The following LRCH3 variants were observed in gnomAD, a reference collection of about 807,000 sequenced individuals.
LRCH3 encodes the protein DISP complex protein LRCH3.
LRCH3 carries 68 observed loss-of-function variants against 104.5 expected under a neutral mutation model. That is an observed-to-expected ratio of 0.65 (90% confidence interval 0.54 to 0.80). The LOEUF is 0.80. LRCH3 is among the 30% of genes least tolerant of loss of function. LRCH3 has a pLI of 0.00. For synonymous variants in LRCH3, 344 were observed against 361.3 expected, an observed-to-expected ratio of 0.95 and a Z score of 0.54; for missense variants, 951 against 953.9, an observed-to-expected ratio of 1.00 and a Z score of 0.04.
At position 197,865,419 on chromosome 3, in the gene LRCH3, A is replaced by G; in HGVS notation, c.1717-4A>G. The G allele has an allele frequency of 1.3e-6, 2 of 1,561,750 alleles. No homozygotes were observed. The highest frequency in any genetic ancestry group is 1.7e-6 in the Non-Finnish European group (2 of 1,145,596). ...ATTATTGATATATGTCTGTTTCTCC[A>G]CAGAGTGATGACAGACCTAATGCTC... On this transcript the variant is annotated splice_region_variant and splice_polypyrimidine_tract_variant and intron_variant, in intron 15 of 20. Coordinates refer to ENST00000425562, the MANE Select transcript of LRCH3 (RefSeq NM_001365715.1).
rs1314671784 is a variant in LRCH3 at position 197,827,492 on chromosome 3, A to T, written c.777+478A>T. 3.3e-5 allele frequency among the ~76,000 whole-genome samples: 5 copies of T among 152,246 alleles called. No homozygotes were observed. In the South Asian group the frequency reaches 6.2e-4, roughly 19 times the overall value. ...AGCATCGCATGGACTTTTTTTGGACAAAGGATGAAATTTAAAATTTCATGT... is the reference window on the plus strand; with the variant it reads ...AGCATCGCATGGACTTTTTTTGGACTAAGGATGAAATTTAAAATTTCATGT... On this transcript the variant is annotated intron_variant, in intron 5 of 20. Coordinates refer to ENST00000425562, the MANE Select transcript of LRCH3 (RefSeq NM_001365715.1).
intron 8 of LRCH3, among the ~76,000 whole-genome samples, chr3:197,833,334 A>G (rs1289127592): frequency 2.3e-5 from 3 of 129,692 alleles, no homozygotes; most frequent in Non-Finnish European, 4.7e-5. Flanking sequence ...AGCCTGGCCA[A>G]CATGGTGAAA....
At chr3:197,812,993 A>G (rs1427261775) in intron 1 of LRCH3, among the ~76,000 whole-genome samples, 1 of 152,214 alleles carries the variant, frequency 6.6e-6, no homozygotes, top group Non-Finnish European at 1.5e-5. Flanking sequence ...GCAAAGCGCA[A>G]AGGTTCCAAT....
At chr3:197,860,971 C>CTTT (rs5855654) in intron 15 of LRCH3, among the ~76,000 whole-genome samples, 5 of 137,402 alleles carry the variant, frequency 3.6e-5, no homozygotes, top group Admixed American at 7.4e-5. Flanking sequence ...CTGACCCCAA[C>CTTT]TTTTTTTTTT....
At position 197,883,594 on chromosome 3, in the gene LRCH3, T is replaced by G; in HGVS notation, c.2262T>G (p.Val754=). The change falls in exon 21 of 21, where the codon GTT becomes GTG. Residue 754 remains valine (V), a synonymous_variant. Coordinates refer to ENST00000425562, the MANE Select transcript of LRCH3 (RefSeq NM_001365715.1). The surrounding 1 kb of genome is among the most constrained non-coding windows in gnomAD (Gnocchi z 4.2). ...HILEEKGLSQ[V]AVTVQALLEL... ...TAGAAGAGAAAGGTTTGAGCCAGGT[T>G]GCAGTGACGGTCCAGGCTCTCCTGG... 1 of 1,536,128 alleles carries G rather than the reference T, an allele frequency of 6.5e-7. No individual in the cohort carries two copies. Among genetic ancestry groups the G allele is most frequent in the East Asian group, 2.4e-5 (1 of 40,926 alleles).
At chr3:197,833,989 A>G (rs568593408) in intron 8 of LRCH3, among the ~76,000 whole-genome samples, 1 of 152,236 alleles carries the variant, frequency 6.6e-6, no homozygotes, top group African/African-American at 2.4e-5. Context: ...TAAAACTCTA[A>G]TAACTCAAAA....
chr3:197,807,047 AAAAC>A (rs1732575716), intron 1 of LRCH3, among the ~76,000 whole-genome samples: 1 of 151,466 alleles, frequency 6.6e-6, no homozygotes, highest in African/African-American at 2.4e-5. Flanking sequence ...TCAAAAAAAA[AAAAC>A]AAACAAACAT....
intron 15 of LRCH3, among the ~76,000 whole-genome samples, chr3:197,860,288 C>G (rs1249624829): frequency 6.6e-6 from 1 of 152,166 alleles, no homozygotes; most frequent in Non-Finnish European, 1.5e-5. Context: ...GCCACTGCGC[C>G]CAACCTCCTT....
At chr3:197,803,677 A>C (rs1009227918) in intron 1 of LRCH3, among the ~76,000 whole-genome samples, 1 of 151,846 alleles carries the variant, frequency 6.6e-6, no homozygotes, top group African/African-American at 2.4e-5. Context: ...AAAAAAAAGA[A>C]TTTGCTCCTT....
intron 1 of LRCH3, among the ~76,000 whole-genome samples, chr3:197,812,845 G>A (rs2109171574): frequency 6.6e-6 from 1 of 152,212 alleles, no homozygotes; most frequent in South Asian, 2.1e-4. Flanking sequence ...TACAGGCGCA[G>A]GCCACCACAC....
chr3:197,876,271 A>T (rs1206560002), intron 20 of LRCH3: 1 of 152,344 alleles, frequency 6.6e-6, no homozygotes, highest in Non-Finnish European at 1.5e-5. Flanking sequence ...ACTAAGTAAC[A>T]TGAGAACAAT....
intron 11 of LRCH3, 32 bp from the exon 12 acceptor site, chr3:197,847,840 C>T (rs1438673054): frequency 6.2e-7 from 1 of 1,605,436 alleles, no homozygotes; most frequent in Admixed American, 1.7e-5. Context: ...CTCATTTTTA[C>T]TTTTGTATGC....
chr3:197,864,341 C>T (rs1457613725), intron 15 of LRCH3, among the ~76,000 whole-genome samples: 1 of 140,778 alleles, frequency 7.1e-6, no homozygotes, highest in Non-Finnish European at 1.5e-5. Context: ...GGCGTGGTGG[C>T]TCATGCCTGT....
intron 20 of LRCH3, among the ~76,000 whole-genome samples, chr3:197,879,658 C>T (rs1166226353): frequency 3.3e-5 from 5 of 152,218 alleles, no homozygotes; most frequent in South Asian, 4.1e-4. Flanking sequence ...AACAGACACC[C>T]TCTGATTTTT....
intron 13 of LRCH3, among the ~76,000 whole-genome samples, chr3:197,852,973 C>T (rs984618896): frequency 2.6e-5 from 4 of 152,122 alleles, no homozygotes; most frequent in African/African-American, 9.7e-5. Context: ...AAGACTCTTA[C>T]ATAGGATTTC....
At chr3:197,861,978 A>C (rs1740936632) in intron 15 of LRCH3, among the ~76,000 whole-genome samples, 1 of 151,988 alleles carries the variant, frequency 6.6e-6, no homozygotes, top group Non-Finnish European at 1.5e-5. Context: ...GTAGTATATT[A>C]TCTGTTGCTG....
intron 9 of LRCH3, among the ~76,000 whole-genome samples, chr3:197,837,678 A>G (rs1306912160): frequency 6.6e-6 from 1 of 152,072 alleles, no homozygotes; most frequent in East Asian, 1.9e-4. Flanking sequence ...TTTTAATTAA[A>G]CCAATGTCAC....
chr3:197,820,844 G>T (rs1490134753), intron 4 of LRCH3, among the ~76,000 whole-genome samples: 1 of 152,036 alleles, frequency 6.6e-6, no homozygotes, highest in East Asian at 1.9e-4. Context: ...GAGAGTGTGT[G>T]TGTGTCTGTG....
chr3:197,802,381 A>G (rs992680011), intron 1 of LRCH3, among the ~76,000 whole-genome samples: 2 of 152,150 alleles, frequency 1.3e-5, no homozygotes, highest in Non-Finnish European at 2.9e-5. Flanking sequence ...GGAAAGACCA[A>G]GATCTAGGTG....
Sources: allele counts gnomAD v4.1 joint callset (sites outside exome capture counted in the v4.1 genomes callset), GRCh38; gene constraint gnomAD v4.1.1; non-coding constraint Gnocchi (gnomAD v3.1); transcripts MANE v1.5; gene names NCBI Gene and HGNC (gene_info 2026-07-23, HGNC 2026-07-21).